Variants in RHOU observed in about 807,000 individuals in gnomAD.
RHOU encodes ras homolog family member U, also known as rho-related GTP-binding protein RhoU.
Under a neutral mutation model 12.6 loss-of-function variants are expected in RHOU, and 8 were observed. The ratio of observed to expected loss-of-function variants is 0.64; its 90% confidence interval spans 0.37 to 1.15. The LOEUF (loss-of-function observed/expected upper bound fraction) is 1.15. Among genes scored for constraint, RHOU ranks in the 50% most tolerant of loss-of-function variants. The pLI, the probability that RHOU is intolerant of heterozygous loss-of-function variation, is 0.01. For missense variants in RHOU, 258 were observed against 347.0 expected (o/e 0.74, Z 2.04); for synonymous variants, 161 against 147.4 (o/e 1.09, Z -0.67).
chr1:228,716,004 T>A, the RHOU span, among the ~76,000 whole-genome samples: 1 of 151,862 alleles, frequency 6.6e-6, no homozygotes, highest in East Asian at 1.9e-4. Context: ...AGTCAACATC[T>A]TAGGCTCAAG....
the RHOU span, among the ~76,000 whole-genome samples, chr1:228,646,780 G>T: frequency 6.6e-6 from 1 of 152,006 alleles, no homozygotes; most frequent in Non-Finnish European, 1.5e-5. Context: ...GAACCCGCAC[G>T]CGAGCACGGG....
At chr1:228,687,003 G>C in the RHOU span, among the ~76,000 whole-genome samples, 1 of 152,090 alleles carries the variant, frequency 6.6e-6, no homozygotes, top group Non-Finnish European at 1.5e-5. Context: ...GCCTCCCAAA[G>C]TGCTAGGATT....
At position 228,738,639 on chromosome 1, in the gene RHOU, G is replaced by A. The variant is rs181581067; in HGVS notation, c.321+908G>A. Among the ~76,000 whole-genome samples, 145 of 152,208 alleles carry A rather than the reference G, an allele frequency of 9.5e-4. No individual in the cohort carries two copies. Among genetic ancestry groups the A allele is most frequent in the Non-Finnish European group, 1.6e-3 (106 of 68,006 alleles). On this transcript the variant is annotated intron_variant, in intron 2 of 2. Transcript: ENST00000366691. This position sits in a 1 kb window ranked among gnomAD's most constrained non-coding sequence, Gnocchi z 4.2. ...CACTGCCCCCCAGAGCCTCATCTAC[G>A]CCAGAGCTTCCAAGTTGCTCACCTA... is the stretch of plus-strand genomic sequence containing the variant.
the RHOU span, among the ~76,000 whole-genome samples, chr1:228,707,134 ATATATATATATG>A: frequency 3.1e-5 from 4 of 127,476 alleles, no homozygotes; most frequent in African/African-American, 1.3e-4. Flanking sequence ...ATACATATAT[ATATATATATATG>A]TATATATATA....
In RHOU at chr1:228,735,841, T is replaced by A; in HGVS notation, c.99T>A (p.Pro33=). ...GCGGTGGACGCGGGGGACGCGGGCC[T>A]GGGGAGCCGGGGGGCCGGGGGCGTG... ...RERGGRGGRG[P]GEPGGRGRAG... The change falls in exon 1 of 3, where the codon CCT becomes CCA. Residue 33 remains proline (P), a synonymous_variant. Transcript: ENST00000366691. This position sits in a 1 kb window ranked among gnomAD's most constrained non-coding sequence, Gnocchi z 8.1. 7.7e-7 allele frequency: 1 copy of A among 1,290,704 alleles called. No individual in the cohort carries two copies. The allele number at this position is 1,290,704 out of a possible 1,614,324, so 80.0% of individuals were successfully genotyped here.
the RHOU span, among the ~76,000 whole-genome samples, chr1:228,706,439 C>T: frequency 2.6e-5 from 4 of 152,142 alleles, no homozygotes; most frequent in Non-Finnish European, 4.4e-5. Context: ...GGGTGAGATG[C>T]GGAAACAGCT....
At chr1:228,698,288 C>T in the RHOU span, among the ~76,000 whole-genome samples, 1 of 152,144 alleles carries the variant, frequency 6.6e-6, no homozygotes, top group African/African-American at 2.4e-5. Flanking sequence ...CCAAGATCCC[C>T]ATAAACAAAA....
the RHOU span, chr1:228,650,782 C>T: frequency 4.7e-6 from 2 of 429,602 alleles, no homozygotes; most frequent in Admixed American, 3.1e-5. Flanking sequence ...CCTCCCTCTA[C>T]CTTGGAGGTG....
chr1:228,719,612 C>T, the RHOU span, among the ~76,000 whole-genome samples: 577 of 152,206 alleles, frequency 3.8e-3, 3 homozygotes, highest in Middle Eastern at 0.027. Flanking sequence ...CACTTGTAAT[C>T]CCAGCTACTT....
the RHOU span, among the ~76,000 whole-genome samples, chr1:228,698,066 A>T: frequency 6.6e-6 from 1 of 152,204 alleles, no homozygotes; most frequent in East Asian, 1.9e-4. Context: ...GCATAACATA[A>T]ACTGACTATT....
chr1:228,659,533 T>C, the RHOU span, among the ~76,000 whole-genome samples: 1 of 147,108 alleles, frequency 6.8e-6, no homozygotes, highest in Non-Finnish European at 1.5e-5. Flanking sequence ...AAACAGAGCA[T>C]TAAAAAAAAA....
chr1:228,704,560 C>T, the RHOU span, among the ~76,000 whole-genome samples: 5 of 151,842 alleles, frequency 3.3e-5, no homozygotes, highest in South Asian at 2.1e-4. Context: ...TGGGTTCAAG[C>T]GATCCTCCTG....
At chr1:228,691,938 C>T in the RHOU span, among the ~76,000 whole-genome samples, 2 of 152,140 alleles carry the variant, frequency 1.3e-5, no homozygotes, top group East Asian at 3.8e-4. Context: ...GTTTATTGTA[C>T]TTGGGAATGA....
chr1:228,661,019 C>A, the RHOU span, among the ~76,000 whole-genome samples: 1 of 151,242 alleles, frequency 6.6e-6, no homozygotes, highest in Middle Eastern at 3.5e-3. Flanking sequence ...CAAAAAATCA[C>A]AAGCATTCCT....
chr1:228,676,093 T>C, the RHOU span, among the ~76,000 whole-genome samples: 1 of 152,034 alleles, frequency 6.6e-6, no homozygotes, highest in East Asian at 1.9e-4. Flanking sequence ...GAGGTAATTA[T>C]TTAGTTCCAA....
At chr1:228,663,625 CTTTTTTT>C in the RHOU span, among the ~76,000 whole-genome samples, 50 of 58,766 alleles carry the variant, frequency 8.5e-4, no homozygotes, top group Admixed American at 3.2e-3. Flanking sequence ...CTTTTCTTTT[CTTTTTTT>C]TTTTTTTTTT....
the RHOU span, among the ~76,000 whole-genome samples, chr1:228,666,089 C>T: frequency 6.6e-6 from 1 of 151,792 alleles, no homozygotes; most frequent in Non-Finnish European, 1.5e-5. Context: ...TCCCAAGTAG[C>T]TAGGATTGCA....
At chr1:228,652,340 C>T in the RHOU span, 1 of 152,286 alleles carries the variant, frequency 6.6e-6, no homozygotes, top group African/African-American at 2.4e-5. Flanking sequence ...TTTTGCAATC[C>T]ATGCAAATGT....
At chr1:228,730,392 G>A in the RHOU span, among the ~76,000 whole-genome samples, 2 of 152,160 alleles carry the variant, frequency 1.3e-5, no homozygotes, top group Non-Finnish European at 2.9e-5. Flanking sequence ...GAGGGCTGAA[G>A]GCTGCTCTGG....
Sources: allele counts gnomAD v4.1 joint callset (sites outside exome capture counted in the v4.1 genomes callset), GRCh38; gene constraint gnomAD v4.1.1; non-coding constraint Gnocchi (gnomAD v3.1); transcripts MANE v1.5; gene names NCBI Gene and HGNC (gene_info 2026-07-23, HGNC 2026-07-21).